Variants in CLRN1 observed in about 807,000 individuals in gnomAD.
CLRN1 encodes the protein clarin-1.
A neutral mutation model predicts 18.7 loss-of-function variants in CLRN1; 15 were observed. The observed-to-expected ratio is 0.80, with a 90% CI of 0.54 to 1.23. The LOEUF (loss-of-function observed/expected upper bound fraction) is 1.23. CLRN1 is among the 50% of genes most tolerant of loss of function. CLRN1 has a pLI of 0.00. For missense variants in CLRN1, 311 were observed against 277.5 expected (o/e 1.12, Z -0.86); for synonymous variants, 104 against 102.9 (o/e 1.01, Z -0.07).
chr3:150,962,554 G>T (rs1715087329), intron 1 of CLRN1, among the ~76,000 whole-genome samples: 2 of 151,974 alleles, frequency 1.3e-5, no homozygotes, highest in Non-Finnish European at 2.9e-5. Flanking sequence ...AATGCCATGT[G>T]CCTGCTTTTC....
intron 1 of CLRN1, among the ~76,000 whole-genome samples, chr3:150,951,372 C>G (rs1253698997): frequency 2.6e-5 from 4 of 152,074 alleles, no homozygotes; most frequent in Admixed American, 2.6e-4. Context: ...GGGTCTCACT[C>G]CATTGCCCAG....
chr3:150,954,930 T>C (rs1434873155), intron 1 of CLRN1, among the ~76,000 whole-genome samples: 2 of 152,250 alleles, frequency 1.3e-5, no homozygotes, highest in African/African-American at 4.8e-5. Flanking sequence ...TGAAAACATG[T>C]GTCCACACAA....
Position 150,943,773 on chromosome 3 carries a change from G to A in CLRN1, c.254-2012C>T, listed in dbSNP as rs768812698. The A allele has an allele frequency of 1.9e-6, 3 of 1,613,432 alleles. No homozygotes were observed. In the East Asian group the frequency reaches 6.7e-5, roughly 36 times the overall value. On this transcript the variant is annotated intron_variant, in intron 1 of 2. Transcript: ENST00000327047. ...GTCCACAGATGGCAGAGCTACGAGAGCATTGTAACACACCCTCTGGGGCCC... is the reference window on the plus strand; with the variant it reads ...GTCCACAGATGGCAGAGCTACGAGAACATTGTAACACACCCTCTGGGGCCC...
intron 1 of CLRN1, among the ~76,000 whole-genome samples, chr3:150,969,791 T>C (rs889341759): frequency 6.6e-6 from 1 of 151,640 alleles, no homozygotes; most frequent in African/African-American, 2.4e-5. Flanking sequence ...GCCCACATGG[T>C]GAAACCCTGT....
intron 1 of CLRN1, chr3:150,944,015 C>A: frequency 9.4e-7 from 1 of 1,064,274 alleles, no homozygotes; most frequent in Non-Finnish European, 1.4e-6. Flanking sequence ...AAGATAGTTT[C>A]AGATAGTGAT....
intron 1 of CLRN1, among the ~76,000 whole-genome samples, chr3:150,952,582 A>ACTT (rs1181224846): frequency 6.6e-6 from 1 of 152,200 alleles, no homozygotes; most frequent in African/African-American, 2.4e-5. Context: ...TGCCTTCTGG[A>ACTT]GCCTCCCTTA....
chr3:150,946,369 C>A (rs1307920731), intron 1 of CLRN1, among the ~76,000 whole-genome samples: 1 of 152,192 alleles, frequency 6.6e-6, no homozygotes, highest in Non-Finnish European at 1.5e-5. Flanking sequence ...TGTTCTCACT[C>A]TTAACCACCT....
At chr3:150,972,878 A>G (rs1004188307), upstream of CLRN1, 1 of 849,970 alleles carries the variant, frequency 1.2e-6, no homozygotes, top group Non-Finnish European at 1.9e-6. Flanking sequence ...TCAGTAGATG[A>G]AGGCCTCATC....
intron 1 of CLRN1, among the ~76,000 whole-genome samples, chr3:150,954,454 G>T (rs79454672): frequency 0.062 from 9,407 of 152,126 alleles, 978 homozygotes; most frequent in African/African-American, 0.21. Flanking sequence ...TATCTTTTGT[G>T]CATTTCTTAT....
At chr3:150,953,750 T>C (rs1714602581) in intron 1 of CLRN1, among the ~76,000 whole-genome samples, 1 of 152,184 alleles carries the variant, frequency 6.6e-6, no homozygotes, top group African/African-American at 2.4e-5. Flanking sequence ...ACTCCTGTCC[T>C]CAAGTGATCT....
rs1465285283 is a variant in CLRN1 at position 150,941,182 on chromosome 3, T to TCTCTTTC, written c.433+399_433+400insGAAAGAG. 5.3e-4 allele frequency among the ~76,000 whole-genome samples: 51 copies of TCTCTTTC among 95,534 alleles called. No homozygotes were observed. In the Admixed American group the frequency reaches 5.6e-3, roughly 10 times the overall value. 62.7% of individuals were successfully genotyped at this position (95,534 alleles called of 152,430 possible). On this transcript the variant is annotated intron_variant, in intron 2 of 2. Coordinates refer to ENST00000327047, the MANE Select transcript of CLRN1 (RefSeq NM_174878.3). ...TATCTATCTATCTATCTCTTTCATA[T>TCTCTTTC]ATATATATATATAGCCCCCATATAT...
intron 2 of CLRN1, among the ~76,000 whole-genome samples, chr3:150,937,561 G>A (rs577085064): frequency 1.4e-4 from 22 of 152,140 alleles, no homozygotes; most frequent in African/African-American, 5.1e-4. Flanking sequence ...TCAAAGAAGC[G>A]AATCACTGCC....
intron 2 of CLRN1, among the ~76,000 whole-genome samples, chr3:150,938,351 T>C (rs1452006820): frequency 6.6e-6 from 1 of 152,146 alleles, no homozygotes; most frequent in Non-Finnish European, 1.5e-5. Flanking sequence ...TGGCTCACAC[T>C]TAGAATGTTT....
chr3:150,931,388 C>T (rs896333931), intron 2 of CLRN1, among the ~76,000 whole-genome samples: 23 of 152,304 alleles, frequency 1.5e-4, no homozygotes, highest in African/African-American at 5.3e-4. Context: ...TGTCTCTCTT[C>T]TGGAGAGGTT....
At chr3:150,934,506 G>A (rs915740981) in intron 2 of CLRN1, among the ~76,000 whole-genome samples, 2 of 152,096 alleles carry the variant, frequency 1.3e-5, no homozygotes, top group Non-Finnish European at 2.9e-5. Flanking sequence ...CCACATTTTG[G>A]TGGTTTTTAT....
chr3:150,927,186 G>T lies in CLRN1; in HGVS notation c.*750C>A. On this transcript the variant is annotated 3_prime_UTR_variant, in exon 3 of 3. Transcript: ENST00000327047. ...AGGCACGGGAGGAAAAATACCCTAA[G>T]CTTGGTTTTTTCTTCTTTTCTTCTT... The T allele has an allele frequency of 1.7e-6, 1 of 578,268 alleles. No individual in the cohort carries two copies. The highest frequency in any genetic ancestry group is 3.2e-6 in the Non-Finnish European group (1 of 309,428). 35.8% of individuals were successfully genotyped at this position (578,268 alleles called of 1,614,324 possible).
chr3:150,950,208 C>A (rs1297514033), intron 1 of CLRN1, among the ~76,000 whole-genome samples: 1 of 152,062 alleles, frequency 6.6e-6, no homozygotes, highest in Non-Finnish European at 1.5e-5. Flanking sequence ...CTATAAAAAC[C>A]CTAGAAGACA....
chr3:150,969,314 T>TATATATA (rs1491446852), intron 1 of CLRN1, among the ~76,000 whole-genome samples: 7 of 35,870 alleles, frequency 2.0e-4, no homozygotes, highest in East Asian at 2.0e-3. Flanking sequence ...TATATATATA[T>TATATATA]TTTTTTTTTT....
At chr3:150,960,298 G>A (rs530645734) in intron 1 of CLRN1, among the ~76,000 whole-genome samples, 27 of 152,200 alleles carry the variant, frequency 1.8e-4, no homozygotes, top group African/African-American at 3.1e-4. Flanking sequence ...TATTTCCCCC[G>A]AAAAGAGTGG....
Sources: gnomAD v4.1 joint callset for allele counts (sites outside exome capture counted in the v4.1 genomes callset) on GRCh38, gnomAD v4.1.1 for gene constraint, MANE v1.5 for transcripts, NCBI Gene and HGNC (gene_info 2026-07-23, HGNC 2026-07-21) for gene names.